Variants in GABBR2 observed in about 807,000 individuals in gnomAD.
The protein encoded by GABBR2 is G-protein coupled receptor 51.
In GABBR2, 23 loss-of-function variants were observed where a neutral mutation model predicts 105.6. That is an observed-to-expected ratio of 0.22 (90% confidence interval 0.16 to 0.31). GABBR2 has a LOEUF of 0.31. GABBR2 is among the 10% of genes least tolerant of loss of function. GABBR2 has a pLI of 1.00. For missense variants in GABBR2, 734 were observed against 1,245.5 expected, an observed-to-expected ratio of 0.59 and a Z score of 6.18; for synonymous variants, 478 against 499.7, an observed-to-expected ratio of 0.96 and a Z score of 0.58.
At chr9:98,473,408 T>C in intron 5 of GABBR2, 62 bp from the exon 6 acceptor site, 1 of 1,103,684 alleles carries the variant, frequency 9.1e-7, no homozygotes, top group Middle Eastern at 2.0e-4. Context: ...CTCTGTGCCC[T>C]GGAAGACAGG....
At chr9:98,441,373 TTTA>T (rs1826028881) in intron 7 of GABBR2, among the ~76,000 whole-genome samples, 1 of 148,158 alleles carries the variant, frequency 6.7e-6, no homozygotes, top group African/African-American at 2.5e-5. Context: ...ATTATTATTA[TTTA>T]TTATTTTTTG....
intron 3 of GABBR2, among the ~76,000 whole-genome samples, chr9:98,509,039 C>T (rs1475078693): frequency 6.6e-6 from 1 of 152,174 alleles, no homozygotes; most frequent in Non-Finnish European, 1.5e-5. Context: ...AGACTGACAC[C>T]TCACACGACT....
chr9:98,348,776 C>T (rs1427122957), intron 13 of GABBR2, among the ~76,000 whole-genome samples: 2 of 152,094 alleles, frequency 1.3e-5, no homozygotes, highest in African/African-American at 2.4e-5. Context: ...GATTTTCTAT[C>T]CTACAACTTT....
chr9:98,655,070 C>A (rs746182577), intron 1 of GABBR2, among the ~76,000 whole-genome samples: 1 of 152,034 alleles, frequency 6.6e-6, no homozygotes, highest in Non-Finnish European at 1.5e-5. Flanking sequence ...ATAAAAAGAT[C>A]GGTGGTTGGG....
chr9:98,496,211 C>T (rs910491741), intron 4 of GABBR2: 14 of 590,968 alleles, frequency 2.4e-5, no homozygotes, highest in Non-Finnish European at 3.6e-5. Flanking sequence ...CACCTGCAGC[C>T]AGCACCTCTG....
intron 13 of GABBR2, among the ~76,000 whole-genome samples, chr9:98,325,774 C>T (rs976870721): frequency 3.3e-5 from 5 of 152,274 alleles, no homozygotes; most frequent in East Asian, 3.9e-4. Context: ...TGGAGCTTGG[C>T]AGATTGCATG....
intron 13 of GABBR2, among the ~76,000 whole-genome samples, chr9:98,320,478 G>A (rs1175703566): frequency 6.6e-6 from 1 of 152,026 alleles, no homozygotes; most frequent in African/African-American, 2.4e-5. Flanking sequence ...CCATTACTGG[G>A]TATATACCCA....
chr9:98,441,402 C>T (rs4743227), intron 7 of GABBR2, among the ~76,000 whole-genome samples: 1,572 of 152,260 alleles, frequency 0.01, 17 homozygotes, highest in South Asian at 0.024. Flanking sequence ...GAGTCTCACT[C>T]TGTTGCCCAG....
At position 98,701,703 on chromosome 9, in the gene GABBR2, C is replaced by G. The variant is rs114466593; in HGVS notation, c.321+6714G>C. Among the ~76,000 whole-genome samples the G allele has an allele frequency of 4.0e-3, 607 of 152,194 alleles. 4 individuals are homozygous for G. Among genetic ancestry groups the G allele is most frequent in the African/African-American group, 0.014 (574 of 41,508 alleles). On this transcript the variant is annotated intron_variant, in intron 1 of 18. Transcript: ENST00000259455. ...GAGAAAGTGACAAACAACTATGATA[C>G]CGGCAGAAGGAAAGACACGCCGGGA...
chr9:98,442,368 G>A (rs1826047981), intron 7 of GABBR2, among the ~76,000 whole-genome samples: 1 of 152,200 alleles, frequency 6.6e-6, no homozygotes, highest in South Asian at 2.1e-4. Context: ...TGTCCTTCTC[G>A]GGCTAGATTC....
intron 5 of GABBR2, among the ~76,000 whole-genome samples, chr9:98,475,451 T>G (rs1486544674): frequency 6.6e-6 from 1 of 152,166 alleles, no homozygotes; most frequent in East Asian, 1.9e-4. Context: ...GGTCATTTAA[T>G]CAATGGCAGA....
At chr9:98,648,116 T>TGTAGATAG in intron 1 of GABBR2, among the ~76,000 whole-genome samples, 1 of 55,948 alleles carries the variant, frequency 1.8e-5, no homozygotes, top group Admixed American at 2.1e-4. Flanking sequence ...TGTGTGTGTG[T>TGTAGATAG]ATAGATAGAT....
At position 98,495,665 on chromosome 9, in the gene GABBR2, C is replaced by T. The variant is rs570682438; in HGVS notation, c.732+748G>A. ...CCTACCCTCTGATCTTCCCTCCTAC[C>T]GTGCTGGGCTCCTGTAGGAGGGGAT... On this transcript the variant is annotated intron_variant, in intron 4 of 18. Coordinates refer to ENST00000259455, the MANE Select transcript of GABBR2 (RefSeq NM_005458.8). Among the ~76,000 whole-genome samples the T allele has an allele frequency of 9.9e-5, 15 of 152,260 alleles. No individual in the cohort carries two copies. The South Asian group carries it at 2.3e-3, about 23-fold the overall frequency.
At chr9:98,352,637 G>T (rs1464901885) in intron 13 of GABBR2, among the ~76,000 whole-genome samples, 1 of 152,118 alleles carries the variant, frequency 6.6e-6, no homozygotes, top group Non-Finnish European at 1.5e-5. Context: ...GATCCCTGAA[G>T]GTGTCTGCAG....
chr9:98,314,445 A>G (rs1191200060), intron 13 of GABBR2, among the ~76,000 whole-genome samples: 1 of 151,962 alleles, frequency 6.6e-6, no homozygotes, highest in East Asian at 1.9e-4. Flanking sequence ...CTTTTCCTCT[A>G]CAATGAACAG....
At chr9:98,641,714 T>C (rs1277339077) in intron 1 of GABBR2, among the ~76,000 whole-genome samples, 1 of 152,202 alleles carries the variant, frequency 6.6e-6, no homozygotes, top group Non-Finnish European at 1.5e-5. Flanking sequence ...GAGGTCCTTT[T>C]CATGTTTCTA....
chr9:98,426,979 C>T (rs565165805), intron 7 of GABBR2, among the ~76,000 whole-genome samples: 3 of 152,126 alleles, frequency 2.0e-5, no homozygotes, highest in African/African-American at 4.8e-5. Flanking sequence ...CTCCAGCCTG[C>T]GTGACAGAAC....
intron 13 of GABBR2, among the ~76,000 whole-genome samples, chr9:98,351,641 T>C (rs1462288559): frequency 6.6e-6 from 1 of 152,226 alleles, no homozygotes; most frequent in Admixed American, 6.5e-5. Flanking sequence ...CATTGAATTC[T>C]TCAGTTCTAG....
chr9:98,541,513 ACT>A (rs1375158703), intron 3 of GABBR2, among the ~76,000 whole-genome samples: 8 of 151,840 alleles, frequency 5.3e-5, no homozygotes, highest in Admixed American at 4.6e-4. Flanking sequence ...CTTCCCCAAA[ACT>A]CTCCTCACAG....
Sources: allele counts gnomAD v4.1 joint callset (sites outside exome capture counted in the v4.1 genomes callset), GRCh38; gene constraint gnomAD v4.1.1; transcripts MANE v1.5; gene names NCBI Gene and HGNC (gene_info 2026-07-23, HGNC 2026-07-21).